The following DLG1 variants were observed in gnomAD, a reference collection of about 807,000 sequenced individuals.
DLG1 encodes discs large MAGUK scaffold protein 1.
DLG1 carries 42 observed loss-of-function variants against 123.4 expected under a neutral mutation model. The ratio of observed to expected loss-of-function variants is 0.34; its 90% CI spans 0.27 to 0.44. The LOEUF (loss-of-function observed/expected upper bound fraction) is 0.44, where lower values mean the gene tolerates loss of function less well. Ranked by LOEUF, DLG1 falls within the 20% of genes least tolerant of loss-of-function variation. The pLI, the probability that DLG1 is intolerant of heterozygous loss-of-function variation, is 1.00. For missense variants in DLG1, 942 were observed against 1,082.6 expected, an observed-to-expected ratio of 0.87 and a Z score of 1.82; for synonymous variants, 317 against 356.2, an observed-to-expected ratio of 0.89 and a Z score of 1.24.
intron 4 of DLG1, among the ~76,000 whole-genome samples, chr3:197,224,644 C>T (rs546035185): frequency 1.4e-3 from 214 of 152,232 alleles, no homozygotes; most frequent in Non-Finnish European, 2.4e-3. Flanking sequence ...TTTCCATTTC[C>T]TATTTCAGAA....
At chr3:197,296,530 T>A in intron 2 of DLG1, 53 bp from the exon 3 acceptor site, 1 of 1,545,276 alleles carries the variant, frequency 6.5e-7, no homozygotes, top group Non-Finnish European at 8.9e-7. Flanking sequence ...AAAAAAAGTA[T>A]CACATACTAG....
chr3:197,074,886 G>T (rs1481846469), intron 18 of DLG1, among the ~76,000 whole-genome samples: 5 of 151,902 alleles, frequency 3.3e-5, no homozygotes, highest in Admixed American at 6.6e-5. Context: ...TATTAATGTA[G>T]GTCTTAGAAA....
chr3:197,182,895 T>C (rs960087799), intron 5 of DLG1, among the ~76,000 whole-genome samples: 2 of 152,208 alleles, frequency 1.3e-5, no homozygotes, highest in African/African-American at 4.8e-5. Context: ...TTATGTGATT[T>C]TTTTTAATTT....
At chr3:197,252,711 G>A (rs1578763803) in intron 4 of DLG1, among the ~76,000 whole-genome samples, 2 of 152,252 alleles carry the variant, frequency 1.3e-5, no homozygotes, top group East Asian at 3.9e-4. Flanking sequence ...CCACTTAACT[G>A]TAAACTTAAA....
Position 197,054,902 on chromosome 3 carries a change from G to A in DLG1, c.2484-3234C>T, listed in dbSNP as rs186893540. Among the ~76,000 whole-genome samples, 222 of 151,980 alleles carry A rather than the reference G, an allele frequency of 1.5e-3. 1 individual carries two copies. Among genetic ancestry groups the A allele is most frequent in the African/African-American group, 5.1e-3 (211 of 41,460 alleles). ...ATGGTCTCTACTCACTGCAACCTCC[G>A]CCTCCTGGGTTCAAGCGATTCTCGT... On this transcript the variant is annotated intron_variant, in intron 23 of 24. Coordinates refer to ENST00000667157, the MANE Select transcript of DLG1 (RefSeq NM_001366207.1).
intron 4 of DLG1, among the ~76,000 whole-genome samples, chr3:197,236,843 T>C (rs1240472770): frequency 1.3e-5 from 2 of 152,236 alleles, no homozygotes; most frequent in Non-Finnish European, 2.9e-5. Flanking sequence ...TTCAAGAATA[T>C]TCATCTTTCA....
chr3:197,118,132 C>T (rs1264412761), intron 12 of DLG1, among the ~76,000 whole-genome samples: 1 of 152,040 alleles, frequency 6.6e-6, no homozygotes, highest in Non-Finnish European at 1.5e-5. Context: ...ATGCAATATT[C>T]TAGACAAGAG....
At chr3:197,183,718 T>C (rs1714000604) in intron 5 of DLG1, 2 of 1,550,542 alleles carry the variant, frequency 1.3e-6, no homozygotes, top group Non-Finnish European at 1.7e-6. Flanking sequence ...TGTTTCTGCT[T>C]TGGGCCTGCT....
intron 15 of DLG1, among the ~76,000 whole-genome samples, chr3:197,087,210 T>C (rs879588772): frequency 6.6e-6 from 1 of 152,200 alleles, no homozygotes; most frequent in Non-Finnish European, 1.5e-5. Flanking sequence ...TTTCTTTGAC[T>C]CATTCTTTTT....
chr3:197,074,810 A>G (rs1746183309), intron 18 of DLG1, among the ~76,000 whole-genome samples: 2 of 152,112 alleles, frequency 1.3e-5, no homozygotes, highest in African/African-American at 4.8e-5. Context: ...AAGTACCTGC[A>G]GTTTAGATTA....
chr3:197,245,900 T>TGGGGGGGGG (rs34147802), intron 4 of DLG1, among the ~76,000 whole-genome samples: 1 of 85,368 alleles, frequency 1.2e-5, no homozygotes. Flanking sequence ...TTTTTTTTTT[T>TGGGGGGGGG]GGGGGGGGGG....
chr3:197,141,810 G>A (rs1227784956), intron 7 of DLG1, among the ~76,000 whole-genome samples: 1 of 152,112 alleles, frequency 6.6e-6, no homozygotes, highest in East Asian at 1.9e-4. Flanking sequence ...TGACTCCTGG[G>A]TTCAAGTGAT....
intron 24 of DLG1, among the ~76,000 whole-genome samples, chr3:197,050,403 C>T (rs1411098451): frequency 6.6e-6 from 1 of 151,270 alleles, no homozygotes; most frequent in Non-Finnish European, 1.5e-5. Context: ...CCCAAAAAAA[C>T]CCAACAACAA....
chr3:197,266,107 A>G (rs1761566189), intron 4 of DLG1, among the ~76,000 whole-genome samples: 1 of 152,188 alleles, frequency 6.6e-6, no homozygotes, highest in Non-Finnish European at 1.5e-5. Flanking sequence ...TCATTTAACT[A>G]CATCCCAAAA....
At chr3:197,263,680 G>A (rs188669014) in intron 4 of DLG1, among the ~76,000 whole-genome samples, 1 of 152,048 alleles carries the variant, frequency 6.6e-6, no homozygotes, top group Non-Finnish European at 1.5e-5. Context: ...CCAGCTACTC[G>A]GGAGGCTGAG....
chr3:197,093,032 A>G (rs1341156246), intron 14 of DLG1, among the ~76,000 whole-genome samples: 1 of 152,190 alleles, frequency 6.6e-6, no homozygotes, highest in Non-Finnish European at 1.5e-5. Flanking sequence ...CCTGATCCTT[A>G]TATGTCAACA....
chr3:197,257,355 A>G (rs1055930907), intron 4 of DLG1, among the ~76,000 whole-genome samples: 2 of 152,188 alleles, frequency 1.3e-5, no homozygotes, highest in Admixed American at 1.3e-4. Flanking sequence ...ATGTTAAAAC[A>G]AATTTGCTGG....
At chr3:197,296,298 G>A (rs1390069631) in intron 3 of DLG1, 48 bp downstream of exon 3, 9 of 1,541,378 alleles carry the variant, frequency 5.8e-6, no homozygotes, top group South Asian at 3.5e-5. Context: ...GAATTGAGAG[G>A]AGCATAAAGC....
chr3:197,231,984 C>T (rs745944270), intron 4 of DLG1, among the ~76,000 whole-genome samples: 1 of 134,350 alleles, frequency 7.4e-6, no homozygotes, highest in Non-Finnish European at 1.7e-5. Flanking sequence ...ACAAATCATA[C>T]CATGAAACCG....
Sources: gnomAD v4.1 joint callset for allele counts (sites outside exome capture counted in the v4.1 genomes callset) on GRCh38, gnomAD v4.1.1 for gene constraint, MANE v1.5 for transcripts, NCBI Gene and HGNC (gene_info 2026-07-23, HGNC 2026-07-21) for gene names.